The following FRYL variants were observed in gnomAD, a reference collection of about 807,000 sequenced individuals.
The protein encoded by FRYL is FRY like transcription coactivator, also known as protein furry homolog-like.
FRYL carries 150 observed loss-of-function variants against 351.2 expected under a neutral mutation model. That is an observed-to-expected ratio of 0.43 (90% CI 0.37 to 0.49). The LOEUF is 0.49. Among genes scored for constraint, FRYL ranks in the 20% least tolerant of loss-of-function variants. FRYL has a pLI of 0.00. For synonymous variants in FRYL, 1,153 were observed against 1,257.1 expected (o/e 0.92, Z 1.75); for missense variants, 3,036 against 3,619.3 (o/e 0.84, Z 4.13).
Position 48,522,936 on chromosome 4 carries a change from G to A in FRYL, c.7486C>T (p.Leu2496Phe). The A allele has an allele frequency of 6.2e-7, 1 of 1,614,032 alleles. No individual in the cohort carries two copies. The highest frequency in any genetic ancestry group is 8.5e-7 in the Non-Finnish European group (1 of 1,179,918). The change falls in exon 54 of 64, where the codon CTT becomes TTT. Residue 2496 changes from leucine to phenylalanine, a missense_variant. Physicochemically the swap from Leu to Phe is conservative, Grantham distance 22. Coordinates refer to ENST00000358350, the MANE Select transcript of FRYL (RefSeq NM_015030.2). ...CGTGAGAGTATCTGGCTTGCTGTAA[G>A]TGCCGCTTCTTCTTCCGAGGACTCA... ...TDESSEEEAA[L>F]TASQILSRTQ... is the part of the protein sequence containing the mutation.
Position 48,540,768 on chromosome 4 carries a change from C to T in FRYL, c.5880G>A (p.Leu1960=), listed in dbSNP as rs1347891689. 12 of 1,613,824 alleles carry T rather than the reference C, an allele frequency of 7.4e-6. No individual in the cohort carries two copies. Among genetic ancestry groups the T allele is most frequent in the East Asian group, 2.2e-5 (1 of 44,884 alleles). The part of the protein sequence containing the change: ...RRGDRRRSNT[L]DIMDGRINHS... ...GGTTTATCCGTCCATCCATTATATC[C>T]AGTGTGTTACTCCGCCGCCGGTCAC... The change falls in exon 46 of 64, where the codon CTG becomes CTA. Residue 1960 remains leucine, a synonymous_variant. Coordinates refer to ENST00000358350, the MANE Select transcript of FRYL (RefSeq NM_015030.2).
chr4:48,671,635 C>A (rs1477329116), intron 3 of FRYL, among the ~76,000 whole-genome samples: 1 of 152,002 alleles, frequency 6.6e-6, no homozygotes, highest in Non-Finnish European at 1.5e-5. Context: ...CCATTGCACT[C>A]CAGCCTGGGC....
At chr4:48,609,643 G>T in intron 8 of FRYL, 101 bp downstream of exon 8, 4 of 512,094 alleles carry the variant, frequency 7.8e-6, no homozygotes, top group Non-Finnish European at 1.0e-5. Context: ...AGGAAGATAA[G>T]AATTGCCTTG....
chr4:48,533,436 TAAG>T (rs1728141680), intron 49 of FRYL, among the ~76,000 whole-genome samples: 1 of 152,146 alleles, frequency 6.6e-6, no homozygotes, highest in South Asian at 2.1e-4. Context: ...CAAGGGAATG[TAAG>T]AGGTAATGTG....
intron 42 of FRYL, 27 bp downstream of exon 42, chr4:48,546,040 T>C (rs1444198832): frequency 6.3e-7 from 1 of 1,593,428 alleles, no homozygotes; most frequent in Non-Finnish European, 8.6e-7. Context: ...CATACACTGC[T>C]GGGATGATAA....
At chr4:48,742,412 A>G (rs545911198) in intron 1 of FRYL, among the ~76,000 whole-genome samples, 2 of 152,170 alleles carry the variant, frequency 1.3e-5, no homozygotes, top group South Asian at 4.1e-4. Flanking sequence ...GTCCTTCTCA[A>G]TCTTCATTCC....
intron 33 of FRYL, 81 bp from the exon 34 acceptor site, chr4:48,557,793 A>C: frequency 6.6e-7 from 1 of 1,511,770 alleles, no homozygotes; most frequent in Non-Finnish European, 9.0e-7. Flanking sequence ...AGATTTCAGA[A>C]GCCAGATTTT....
At chr4:48,775,130 G>C (rs1359291639) in intron 1 of FRYL, among the ~76,000 whole-genome samples, 1 of 152,226 alleles carries the variant, frequency 6.6e-6, no homozygotes, top group Non-Finnish European at 1.5e-5. Context: ...AAGCTAACAA[G>C]TTTAATTCAA....
rs747253379 is a variant in FRYL, at chr4:48,542,037, C to A, written c.5677G>T (p.Ala1893Ser). Residue 1893 changes from alanine (A) to serine (S), a missense_variant, in exon 45 of 64, where the codon GCC (alanine) becomes TCC (serine). By Grantham distance (99) the Ala-to-Ser change is moderately conservative (BLOSUM62 1). Around this residue, in one of 7 missense-constraint regions of FRYL, gnomAD observed 1,987 missense variants for 2,311.7 expected, o/e 0.86. Coordinates refer to ENST00000358350, the MANE Select transcript of FRYL (RefSeq NM_015030.2). ...ETMKHYDLLS[A>S]LSQTSYHDPI... ...GGTTTAAATTCTTACTGAGAAAGGG[C>A]AGAAAGAAGATCATAATGCTTCATG... 6.2e-7 allele frequency: 1 copy of A among 1,611,566 alleles called. No homozygotes were observed.
intron 36 of FRYL, among the ~76,000 whole-genome samples, chr4:48,552,674 TA>T (rs1457575609): frequency 6.6e-6 from 1 of 152,056 alleles, no homozygotes; most frequent in East Asian, 1.9e-4. Context: ...TTCTAGCCGA[TA>T]TGAAAAATTC....
chr4:48,550,507 T>C, intron 38 of FRYL, 85 bp downstream of exon 38: 1 of 834,308 alleles, frequency 1.2e-6, no homozygotes, highest in South Asian at 1.6e-5. Context: ...AACAATTTAC[T>C]GAAAATATAT....
intron 31 of FRYL, 77 bp downstream of exon 31, chr4:48,563,871 T>C (rs558502762): frequency 9.4e-6 from 14 of 1,492,600 alleles, no homozygotes; most frequent in African/African-American, 1.4e-5. Context: ...GGTGTCTTCC[T>C]ATTTTTGAAT....
intron 2 of FRYL, among the ~76,000 whole-genome samples, chr4:48,704,472 T>G (rs1213940872): frequency 6.6e-6 from 1 of 152,118 alleles, no homozygotes; most frequent in African/African-American, 2.4e-5. Flanking sequence ...TATAACTTCT[T>G]ATGAGGATAA....
chr4:48,692,668 C>A (rs2149561310), intron 2 of FRYL, among the ~76,000 whole-genome samples: 1 of 152,316 alleles, frequency 6.6e-6, no homozygotes, highest in South Asian at 2.1e-4. Flanking sequence ...GCTGGGAGTA[C>A]ACTACTGCAC....
intron 3 of FRYL, among the ~76,000 whole-genome samples, chr4:48,673,251 A>C (rs1763006571): frequency 6.6e-6 from 1 of 152,362 alleles, no homozygotes; most frequent in South Asian, 2.1e-4. Context: ...CATTAAAGAC[A>C]GTTTCAAAGA....
At position 48,521,119 on chromosome 4, in the gene FRYL, C is replaced by T. The variant is rs1724808665; in HGVS notation, c.7618G>A (p.Val2540Met). ...DSTGSITTEE[V>M]LQIRDETPTL... ...GGGGTCTCATCCCTGATTTGAAGCA[C>T]TTCCTCTGTTGTGATGCTGCCAGTG... is the stretch of plus-strand genomic sequence containing the variant. Residue 2540 changes from valine to methionine, a missense_variant, in exon 55 of 64, where the codon GTG becomes ATG. Val to Met is a conservative substitution (Grantham distance 21). This residue lies in a region of FRYL where 1,987 missense variants were observed against 2,311.7 expected (regional missense o/e 0.86). Coordinates refer to ENST00000358350, the MANE Select transcript of FRYL (RefSeq NM_015030.2). The T allele has an allele frequency of 4.3e-6, 7 of 1,613,776 alleles. No individual in the cohort carries two copies. The highest frequency in any genetic ancestry group is 5.9e-6 in the Non-Finnish European group (7 of 1,179,710).
At chr4:48,632,096 A>ATATATATATATATATATATATG (rs1753225679) in intron 4 of FRYL, among the ~76,000 whole-genome samples, 2 of 16,204 alleles carry the variant, frequency 1.2e-4, no homozygotes, top group Non-Finnish European at 1.5e-4. Flanking sequence ...AAAAAAATAT[A>ATATATATATATATATATATATG]TATATATATA....
chr4:48,674,570 T>C (rs1422657505), intron 3 of FRYL, among the ~76,000 whole-genome samples: 4 of 151,726 alleles, frequency 2.6e-5, no homozygotes, highest in Non-Finnish European at 5.9e-5. Context: ...AACCCATCTT[T>C]ACTAAAAATA....
intron 1 of FRYL, among the ~76,000 whole-genome samples, chr4:48,712,230 C>T (rs995483064): frequency 1.3e-5 from 2 of 152,076 alleles, no homozygotes; most frequent in African/African-American, 4.8e-5. Flanking sequence ...ATGACTTTGA[C>T]GAGTTGAGAG....
Sources: allele counts gnomAD v4.1 joint callset (sites outside exome capture counted in the v4.1 genomes callset), GRCh38; gene constraint gnomAD v4.1.1; regional missense constraint gnomAD v4.1.1; transcripts MANE v1.5; gene names NCBI Gene and HGNC (gene_info 2026-07-23, HGNC 2026-07-21).